The following CSMD1 variants were observed in gnomAD, a reference collection of about 807,000 sequenced individuals.
The protein encoded by CSMD1 is CUB and sushi domain-containing protein 1.
CSMD1 carries 213 observed loss-of-function variants against 417.5 expected under a neutral mutation model. The observed-to-expected ratio is 0.51, with a 90% CI of 0.46 to 0.57. The LOEUF is 0.57. Ranked by LOEUF, CSMD1 falls within the 20% of genes least tolerant of loss-of-function variation. The pLI, the probability that CSMD1 is intolerant of heterozygous loss-of-function variation, is 0.00. For synonymous variants in CSMD1, 2,862 were observed against 1,736.8 expected (o/e 1.65, Z -16.11); for missense variants, 6,923 against 4,529.7 (o/e 1.53, Z -15.17).
chr8:2,992,186 C>A (rs1047985654), intron 54 of CSMD1, among the ~76,000 whole-genome samples: 1 of 89,692 alleles, frequency 1.1e-5, no homozygotes, highest in Non-Finnish European at 2.0e-5. Context: ...CATGAACACA[C>A]ACATGCACAC....
At chr8:3,392,429 T>A (rs909425912) in intron 17 of CSMD1, among the ~76,000 whole-genome samples, 5 of 152,020 alleles carry the variant, frequency 3.3e-5, no homozygotes, top group Non-Finnish European at 7.4e-5. Context: ...CTAGACGGGG[T>A]TACCTGGATG....
At chr8:4,368,959 C>G (rs1802247735) in intron 3 of CSMD1, among the ~76,000 whole-genome samples, 1 of 151,964 alleles carries the variant, frequency 6.6e-6, no homozygotes, top group Non-Finnish European at 1.5e-5. Context: ...TCATTCAGTT[C>G]AGCTCTGATT....
intron 2 of CSMD1, among the ~76,000 whole-genome samples, chr8:4,514,881 C>T (rs981303262): frequency 2.0e-5 from 3 of 152,102 alleles, no homozygotes; most frequent in African/African-American, 7.2e-5. Flanking sequence ...AACAACCACA[C>T]CAAAAACAAA....
chr8:4,256,707 TG>T (rs146258594), intron 3 of CSMD1, among the ~76,000 whole-genome samples: 1 of 151,830 alleles, frequency 6.6e-6, no homozygotes, highest in East Asian at 2.0e-4. Flanking sequence ...GGGCGTGGTG[TG>T]GGGGAAGGAA....
chr8:3,277,355 G>T (rs1413900517), intron 26 of CSMD1, among the ~76,000 whole-genome samples: 1 of 152,136 alleles, frequency 6.6e-6, no homozygotes, highest in Non-Finnish European at 1.5e-5. Context: ...GCGCAGGTGG[G>T]CCAGAAAGTA....
At chr8:3,283,893 GC>G (rs942444976) in intron 26 of CSMD1, among the ~76,000 whole-genome samples, 3 of 152,236 alleles carry the variant, frequency 2.0e-5, no homozygotes, top group African/African-American at 7.2e-5. Context: ...CCAGTGGCAT[GC>G]AAAATGCACA....
intron 3 of CSMD1, among the ~76,000 whole-genome samples, chr8:4,229,895 G>C (rs1174939148): frequency 6.6e-6 from 1 of 152,092 alleles, no homozygotes; most frequent in Non-Finnish European, 1.5e-5. Context: ...GTATCGCTTT[G>C]AGTGATACTC....
At chr8:4,246,703 G>C (rs771688156) in intron 3 of CSMD1, among the ~76,000 whole-genome samples, 1 of 151,952 alleles carries the variant, frequency 6.6e-6, no homozygotes, top group African/African-American at 2.4e-5. Context: ...ATTTTTCATT[G>C]TTTTTTAATT....
At chr8:4,578,327 G>A (rs980387865) in intron 2 of CSMD1, among the ~76,000 whole-genome samples, 3 of 96,324 alleles carry the variant, frequency 3.1e-5, no homozygotes, top group Non-Finnish European at 5.8e-5. Flanking sequence ...CACGACACCC[G>A]GCTCATTTTT....
At chr8:4,982,543 A>G (rs987938786) in intron 1 of CSMD1, among the ~76,000 whole-genome samples, 1 of 152,238 alleles carries the variant, frequency 6.6e-6, no homozygotes, top group Non-Finnish European at 1.5e-5. Context: ...AAGCTACAGT[A>G]AATGACACCA....
intron 1 of CSMD1, among the ~76,000 whole-genome samples, chr8:4,984,485 G>A (rs551872062): frequency 2.6e-5 from 4 of 152,312 alleles, no homozygotes; most frequent in Admixed American, 6.5e-5. Flanking sequence ...TTACCTGCTT[G>A]ACGTTTCAAC....
At chr8:3,592,487 G>C (rs564155191) in intron 8 of CSMD1, among the ~76,000 whole-genome samples, 113 of 152,258 alleles carry the variant, frequency 7.4e-4, no homozygotes, top group African/African-American at 2.7e-3. Context: ...TTCAAGCCTG[G>C]ATTTGCCATA....
intron 10 of CSMD1, among the ~76,000 whole-genome samples, chr8:3,495,702 T>C (rs747850394): frequency 6.6e-6 from 1 of 152,110 alleles, no homozygotes; most frequent in Non-Finnish European, 1.5e-5. Context: ...ACATATACCA[T>C]CCTTTCAGAG....
intron 10 of CSMD1, among the ~76,000 whole-genome samples, chr8:3,511,446 G>A (rs1425924193): frequency 6.6e-6 from 1 of 151,666 alleles, no homozygotes; most frequent in Non-Finnish European, 1.5e-5. Context: ...TCCAAAAGAA[G>A]AGAAGGTTTA....
intron 1 of CSMD1, among the ~76,000 whole-genome samples, chr8:4,909,978 A>G (rs1805555306): frequency 6.6e-6 from 1 of 152,174 alleles, no homozygotes; most frequent in Non-Finnish European, 1.5e-5. Context: ...TATATTATTT[A>G]TCTTTTCTAA....
chr8:4,708,848 G>T (rs1336521053), intron 1 of CSMD1, among the ~76,000 whole-genome samples: 3 of 152,122 alleles, frequency 2.0e-5, no homozygotes, highest in African/African-American at 7.2e-5. Context: ...CGACATGACT[G>T]GTGTTGTTAT....
At chr8:4,462,246 T>C (rs1015470196) in intron 2 of CSMD1, among the ~76,000 whole-genome samples, 10 of 152,242 alleles carry the variant, frequency 6.6e-5, no homozygotes, top group East Asian at 1.9e-4. Flanking sequence ...ACAATCCCTT[T>C]ACCATAGCAT....
intron 2 of CSMD1, among the ~76,000 whole-genome samples, chr8:4,447,539 T>C (rs1055291158): frequency 6.6e-6 from 1 of 152,212 alleles, no homozygotes; most frequent in Non-Finnish European, 1.5e-5. Flanking sequence ...TCCCTCACTC[T>C]ACAGATAACA....
chr8:3,678,336 C>A (rs1262719554), intron 7 of CSMD1, among the ~76,000 whole-genome samples: 1 of 152,098 alleles, frequency 6.6e-6, no homozygotes, highest in Non-Finnish European at 1.5e-5. Flanking sequence ...GCAGAGAAGT[C>A]TTTAAAGGAC....
Sources: allele counts gnomAD v4.1 joint callset (sites outside exome capture counted in the v4.1 genomes callset), GRCh38; gene constraint gnomAD v4.1.1; transcripts MANE v1.5; gene names NCBI Gene and HGNC (gene_info 2026-07-23, HGNC 2026-07-21).